The following PSPH variants were observed in gnomAD, a reference collection of about 807,000 sequenced individuals.
PSPH encodes the protein L-3-phosphoserine phosphatase.
In PSPH, 16 loss-of-function variants were observed where a neutral mutation model predicts 23.4. The ratio of observed to expected loss-of-function variants is 0.68; its 90% CI spans 0.46 to 1.04. PSPH has a LOEUF of 1.04. Ranked by LOEUF, PSPH falls within the 50% of genes least tolerant of loss-of-function variation. The pLI is 0.00. For missense variants in PSPH, 223 were observed against 273.7 expected (o/e 0.81, Z 1.31); for synonymous variants, 68 against 99.7 (o/e 0.68, Z 1.89).
At chr7:56,042,729 A>C (rs959403508) in intron 1 of PSPH, among the ~76,000 whole-genome samples, 10 of 151,608 alleles carry the variant, frequency 6.6e-5, no homozygotes, top group Non-Finnish European at 1.5e-5. Context: ...CATGCCTATA[A>C]TGCCAACTAC....
rs1793408271 is a variant in PSPH, at chr7:56,047,550, A to AAGTTAAT, written c.-292+3587_-292+3588insATTAACT. Among the ~76,000 whole-genome samples the AAGTTAAT allele has an allele frequency of 2.0e-5, 3 of 152,336 alleles. No homozygotes were observed. In the South Asian group the frequency reaches 6.2e-4, roughly 32 times the overall value. On this transcript the variant is annotated intron_variant, in intron 1 of 7. Coordinates refer to ENST00000275605, the MANE Select transcript of PSPH (RefSeq NM_004577.4). Reference sequence around the variant, plus strand: ...AGAGCAATCTGGCAAATATTAACCAAGTGAACAAAGTTAACATCACCAGGA... The same window carrying AAGTTAAT: ...AGAGCAATCTGGCAAATATTAACCAAAGTTAATGTGAACAAAGTTAACATCACCAGGA...
At position 56,015,143 on chromosome 7, in the gene PSPH, C is replaced by A; in HGVS notation, c.450G>T (p.Gln150His). Residue 150 changes from glutamine (Q) to histidine (H), a missense_variant, in exon 7 of 8, where the codon CAG becomes CAT. Transcript: ENST00000275605. ...NGEYAGFDET[Q>H]PTAESGGKGK... ...CTTTTCCACCAGATTCAGCTGTTGG[C>A]TGCGTCTCATCAAAACCTGCATATT... is the stretch of plus-strand genomic sequence containing the variant. The A allele has an allele frequency of 6.2e-7, 1 of 1,614,020 alleles. No individual in the cohort carries two copies. Among genetic ancestry groups the A allele is most frequent in the Non-Finnish European group, 8.5e-7 (1 of 1,180,000 alleles).
chr7:56,050,708 A>C (rs1454469932), intron 1 of PSPH, among the ~76,000 whole-genome samples: 3 of 152,220 alleles, frequency 2.0e-5, no homozygotes, highest in African/African-American at 7.2e-5. Context: ...TTGTGTGGGG[A>C]AATGATTATA....
chr7:56,029,315 G>C (rs558337829), intron 3 of PSPH, among the ~76,000 whole-genome samples: 28 of 152,214 alleles, frequency 1.8e-4, no homozygotes, highest in African/African-American at 6.5e-4. Flanking sequence ...CTCTAACAGG[G>C]AGGGAGAGGG....
chr7:56,029,603 A>G (rs560443993), intron 3 of PSPH, among the ~76,000 whole-genome samples: 4 of 151,904 alleles, frequency 2.6e-5, no homozygotes, highest in Non-Finnish European at 5.9e-5. Context: ...CTGATTTTGG[A>G]TAAGAGGAAA....
At chr7:56,038,228 G>C (rs1469530056) in intron 1 of PSPH, among the ~76,000 whole-genome samples, 1 of 148,552 alleles carries the variant, frequency 6.7e-6, no homozygotes, top group Non-Finnish European at 1.5e-5. Flanking sequence ...CACAAAGTCA[G>C]GAGATGGAAA....
intron 1 of PSPH, among the ~76,000 whole-genome samples, chr7:56,036,720 G>A (rs1279602763): frequency 6.6e-6 from 1 of 152,144 alleles, no homozygotes; most frequent in African/African-American, 2.4e-5. Context: ...ATACTTGTGA[G>A]CATGAGATGG....
chr7:56,049,252 G>A (rs1436926997), intron 1 of PSPH, among the ~76,000 whole-genome samples: 1 of 151,706 alleles, frequency 6.6e-6, no homozygotes, highest in African/African-American at 2.4e-5. Flanking sequence ...AACCCTGCTT[G>A]CATTAGGTAT....
chr7:56,040,846 G>A (rs1042242318), intron 1 of PSPH, among the ~76,000 whole-genome samples: 8 of 152,120 alleles, frequency 5.3e-5, no homozygotes, highest in African/African-American at 1.7e-4. Context: ...GTGCAAAAAT[G>A]TGTTGTTTGA....
chr7:56,020,218 TAA>T (rs576279724), intron 4 of PSPH, among the ~76,000 whole-genome samples: 5 of 110,004 alleles, frequency 4.5e-5, no homozygotes, highest in African/African-American at 4.5e-5. Context: ...AGATTCCATC[TAA>T]AAAAAAAAAA....
chr7:56,017,826 G>C (rs193136423), intron 5 of PSPH, among the ~76,000 whole-genome samples: 3 of 150,470 alleles, frequency 2.0e-5, no homozygotes, highest in Non-Finnish European at 3.0e-5. Flanking sequence ...GGGTTCAAGC[G>C]ATTCTCTTGT....
At chr7:56,049,756 T>TTA (rs1562840345) in intron 1 of PSPH, among the ~76,000 whole-genome samples, 1 of 151,260 alleles carries the variant, frequency 6.6e-6, no homozygotes, top group Non-Finnish European at 1.5e-5. Flanking sequence ...TATTATTATT[T>TTA]TTTTTGAGGA....
chr7:56,044,130 C>T (rs1792921180), intron 1 of PSPH, among the ~76,000 whole-genome samples: 1 of 151,950 alleles, frequency 6.6e-6, no homozygotes, highest in Admixed American at 6.6e-5. Flanking sequence ...TTAGTAGAGA[C>T]GGGGTTTCTC....
intron 3 of PSPH, among the ~76,000 whole-genome samples, chr7:56,031,217 C>CAAA (rs781209477): frequency 1.8e-5 from 2 of 112,630 alleles, no homozygotes; most frequent in East Asian, 2.5e-4. Flanking sequence ...GACTCCGTCT[C>CAAA]AAAAAAAAAA....
At chr7:56,013,748 T>C (rs780794626) in intron 7 of PSPH, among the ~76,000 whole-genome samples, 4 of 149,714 alleles carry the variant, frequency 2.7e-5, no homozygotes, top group South Asian at 2.1e-4. Context: ...TAAAAATAAA[T>C]AAATAAATAA....
At chr7:56,020,620 G>A (rs1376901039) in intron 4 of PSPH, among the ~76,000 whole-genome samples, 1 of 104,798 alleles carries the variant, frequency 9.5e-6, no homozygotes, top group Non-Finnish European at 1.7e-5. Flanking sequence ...ATGAGACTCC[G>A]TCTCGAAAAA....
chr7:56,043,737 G>A (rs1323945987), intron 1 of PSPH, among the ~76,000 whole-genome samples: 1 of 151,502 alleles, frequency 6.6e-6, no homozygotes, highest in Non-Finnish European at 1.5e-5. Context: ...GCTAAGGTGG[G>A]AGGATAGCTT....
chr7:56,044,229 ACT>A (rs1264098158), intron 1 of PSPH, among the ~76,000 whole-genome samples: 8 of 152,176 alleles, frequency 5.3e-5, no homozygotes, highest in African/African-American at 1.9e-4. Context: ...GGCATGAGCC[ACT>A]GTGCCTGGTC....
chr7:56,019,000 G>A (rs912187291), intron 5 of PSPH, among the ~76,000 whole-genome samples: 2 of 150,506 alleles, frequency 1.3e-5, no homozygotes, highest in African/African-American at 4.9e-5. Flanking sequence ...AAAATTAGCT[G>A]GGCATGGTGG....
Sources: gnomAD v4.1 joint callset for allele counts (sites outside exome capture counted in the v4.1 genomes callset) on GRCh38, gnomAD v4.1.1 for gene constraint, MANE v1.5 for transcripts, NCBI Gene and HGNC (gene_info 2026-07-23, HGNC 2026-07-21) for gene names.